ASIC2: variants seen among roughly 807,000 people sequenced by gnomAD.
ASIC2 encodes the protein acid sensing ion channel subunit 2.
A neutral mutation model predicts 57.3 loss-of-function variants in ASIC2; 25 were observed. That is an observed-to-expected ratio of 0.44 (90% CI 0.32 to 0.61). The LOEUF is 0.61. Among genes scored for constraint, ASIC2 ranks in the 20% least tolerant of loss-of-function variants. The probability of loss-of-function intolerance (pLI) is 0.06; values close to 1 mark genes in which losing one functional copy is unlikely to be tolerated. For synonymous variants in ASIC2, 319 were observed against 307.5 expected (o/e 1.04, Z -0.39); for missense variants, 641 against 738.1 (o/e 0.87, Z 1.52).
At chr17:33,043,232 G>A (rs988117420) in intron 3 of ASIC2, among the ~76,000 whole-genome samples, 3 of 152,148 alleles carry the variant, frequency 2.0e-5, no homozygotes, top group African/African-American at 4.8e-5. Context: ...GCACATCCCC[G>A]TTTTACTGAT....
chr17:33,075,224 T>C (rs1011864971), intron 3 of ASIC2, among the ~76,000 whole-genome samples: 2 of 152,232 alleles, frequency 1.3e-5, no homozygotes, highest in African/African-American at 4.8e-5. Flanking sequence ...TTTCCCCTTT[T>C]GCTTGGCTCT....
At chr17:33,874,653 C>G (rs1399398438) in intron 1 of ASIC2, among the ~76,000 whole-genome samples, 1 of 152,208 alleles carries the variant, frequency 6.6e-6, no homozygotes, top group Non-Finnish European at 1.5e-5. Flanking sequence ...CTTCATACCC[C>G]AAACATCCTG....
At chr17:33,351,672 T>C (rs1174284013) in intron 1 of ASIC2, among the ~76,000 whole-genome samples, 2 of 152,228 alleles carry the variant, frequency 1.3e-5, no homozygotes, top group Admixed American at 1.3e-4. Flanking sequence ...TTGTGGTGCC[T>C]GTCGAAATGC....
At chr17:33,815,666 A>G (rs1210893672) in intron 1 of ASIC2, among the ~76,000 whole-genome samples, 2 of 152,174 alleles carry the variant, frequency 1.3e-5, no homozygotes, top group Non-Finnish European at 2.9e-5. Context: ...CTGTTAGCTA[A>G]TGACTGGATA....
chr17:33,462,703 TA>T (rs1234522687), intron 1 of ASIC2, among the ~76,000 whole-genome samples: 1 of 152,254 alleles, frequency 6.6e-6, no homozygotes, highest in Non-Finnish European at 1.5e-5. Flanking sequence ...TTTTGGTAAG[TA>T]TGATCTATAA....
At chr17:33,836,069 T>TAC (rs149810649) in intron 1 of ASIC2, among the ~76,000 whole-genome samples, 37 of 146,504 alleles carry the variant, frequency 2.5e-4, no homozygotes, top group East Asian at 6.2e-4. Flanking sequence ...ATTATATATA[T>TAC]ACACACACAC....
intron 1 of ASIC2, among the ~76,000 whole-genome samples, chr17:33,906,856 G>T (rs1340847976): frequency 6.6e-6 from 1 of 152,172 alleles, no homozygotes; most frequent in African/African-American, 2.4e-5. Context: ...TGGATAGACT[G>T]ACTTCTCTGG....
chr17:33,150,849 C>CAAAAAA lies in ASIC2; in HGVS notation c.709-38788_709-38783dup, dbSNP rs61602373. On this transcript the variant is annotated intron_variant, in intron 1 of 9. Transcript: ENST00000225823. ...TGGGCGACAGAGCGAGACTCCGTCT[C>CAAAAAA]AAAAAAAAAAAAAAAAAAAAAAATA... 4.6e-3 allele frequency among the ~76,000 whole-genome samples: 87 copies of CAAAAAA among 18,894 alleles called. 8 individuals carry two copies. In the East Asian group the frequency reaches 0.071, roughly 15 times the overall value. The allele number at this position is 18,894 out of a possible 152,430, so 12.4% of individuals were successfully genotyped here.
At chr17:33,258,016 TAAGTGCTTG>T (rs1413643370) in intron 1 of ASIC2, among the ~76,000 whole-genome samples, 1 of 152,238 alleles carries the variant, frequency 6.6e-6, no homozygotes, top group African/African-American at 2.4e-5. Flanking sequence ...TGGCACGTTG[TAAGTGCTTG>T]ATAAACAAGT....
intron 2 of ASIC2, among the ~76,000 whole-genome samples, chr17:33,099,810 G>A (rs2092203905): frequency 6.6e-6 from 1 of 152,142 alleles, no homozygotes; most frequent in Non-Finnish European, 1.5e-5. Context: ...ACACACCGAT[G>A]GTGGAAGTTA....
At chr17:33,794,612 A>G (rs567707590) in intron 1 of ASIC2, 1 of 152,284 alleles carries the variant, frequency 6.6e-6, no homozygotes, top group African/African-American at 2.4e-5. Flanking sequence ...CAAAATTCAA[A>G]AATTTAGATG....
chr17:33,837,069 G>T (rs1003827589), intron 1 of ASIC2, among the ~76,000 whole-genome samples: 3 of 152,144 alleles, frequency 2.0e-5, no homozygotes, highest in Non-Finnish European at 4.4e-5. Flanking sequence ...TACTGATTAC[G>T]TGGGCTGAAA....
At chr17:33,822,156 AAGT>A (rs1454432651) in intron 1 of ASIC2, among the ~76,000 whole-genome samples, 1 of 152,214 alleles carries the variant, frequency 6.6e-6, no homozygotes, top group African/African-American at 2.4e-5. Context: ...GACATAAAGT[AAGT>A]GCTCAATCAC....
At chr17:33,444,701 A>G (rs1358302853) in intron 1 of ASIC2, among the ~76,000 whole-genome samples, 2 of 152,154 alleles carry the variant, frequency 1.3e-5, no homozygotes, top group Non-Finnish European at 2.9e-5. Context: ...GGTAGGAGCC[A>G]CGTGCACTGG....
Position 33,200,164 on chromosome 17 carries a change from G to A in ASIC2, c.709-88097C>T, listed in dbSNP as rs117560868. Among the ~76,000 whole-genome samples the A allele has an allele frequency of 5.1e-3, 770 of 152,226 alleles. 6 individuals carry two copies. The highest frequency in any genetic ancestry group is 8.7e-3 in the Non-Finnish European group (595 of 68,028). On this transcript the variant is annotated intron_variant, in intron 1 of 9. Transcript: ENST00000225823. ...TTCTCTAACCCCCGAGCTTCTCTTC[G>A]CTAGCAATAACTGCATTACACTGAA...
At chr17:33,366,895 A>C (rs1371546344) in intron 1 of ASIC2, among the ~76,000 whole-genome samples, 1 of 152,240 alleles carries the variant, frequency 6.6e-6, no homozygotes. Flanking sequence ...AATAAATACT[A>C]AGAAGAAATG....
chr17:33,796,586 A>G (rs992532797), intron 1 of ASIC2, among the ~76,000 whole-genome samples: 20 of 152,288 alleles, frequency 1.3e-4, no homozygotes, highest in African/African-American at 4.6e-4. Context: ...CTGACTCTAT[A>G]TCATGGTCAA....
intron 1 of ASIC2, among the ~76,000 whole-genome samples, chr17:33,585,578 A>G (rs979472940): frequency 4.6e-5 from 7 of 152,190 alleles, no homozygotes; most frequent in African/African-American, 1.2e-4. Flanking sequence ...AGGCACCTGC[A>G]CTGGGCATGT....
intron 1 of ASIC2, among the ~76,000 whole-genome samples, chr17:33,521,300 T>C (rs1914734798): frequency 6.6e-6 from 1 of 152,106 alleles, no homozygotes; most frequent in African/African-American, 2.4e-5. Flanking sequence ...GAATGAATTA[T>C]TTGGCTCTGC....
Sources: allele counts gnomAD v4.1 joint callset (sites outside exome capture counted in the v4.1 genomes callset), GRCh38; gene constraint gnomAD v4.1.1; transcripts MANE v1.5; gene names NCBI Gene and HGNC (gene_info 2026-07-23, HGNC 2026-07-21).